CCNY: variants seen among roughly 807,000 people sequenced by gnomAD.
The protein encoded by CCNY is cyclin Y.
A neutral mutation model predicts 42.8 loss-of-function variants in CCNY; 19 were observed. The observed-to-expected ratio is 0.44, with a 90% CI of 0.31 to 0.65. CCNY has a LOEUF of 0.65. Ranked by LOEUF, CCNY falls within the 30% of genes least tolerant of loss-of-function variation. The probability of loss-of-function intolerance (pLI) is 0.07; values close to 1 mark genes in which losing one functional copy is unlikely to be tolerated. For missense variants in CCNY, 370 were observed against 437.3 expected (o/e 0.85, Z 1.37); for synonymous variants, 165 against 162.7 (o/e 1.01, Z -0.11).
At chr10:35,553,404 C>T (rs1841300654) in intron 8 of CCNY, among the ~76,000 whole-genome samples, 1 of 152,074 alleles carries the variant, frequency 6.6e-6, no homozygotes, top group Non-Finnish European at 1.5e-5. Flanking sequence ...GGTAACACCT[C>T]CTGGTTTTGT....
intron 3 of CCNY, among the ~76,000 whole-genome samples, chr10:35,284,925 C>T (rs1209104580): frequency 6.6e-6 from 1 of 152,026 alleles, no homozygotes; most frequent in African/African-American, 2.4e-5. Flanking sequence ...GGGGATTTTT[C>T]TTTCTCTTAT....
At chr10:35,277,313 C>T (rs183415220) in intron 3 of CCNY, among the ~76,000 whole-genome samples, 4 of 152,172 alleles carry the variant, frequency 2.6e-5, no homozygotes, top group African/African-American at 7.2e-5. Context: ...GAAGAAACAG[C>T]CCACTTTTGC....
intron 7 of CCNY, among the ~76,000 whole-genome samples, chr10:35,551,469 ACATTAATGGGTT>A (rs952424090): frequency 1.8e-4 from 27 of 152,316 alleles, no homozygotes; most frequent in African/African-American, 6.5e-4. Context: ...AATAATTATA[ACATTAATGGGTT>A]TTATCTGCAA....
chr10:35,498,463 C>G (rs1337353010), intron 2 of CCNY, among the ~76,000 whole-genome samples: 3 of 152,156 alleles, frequency 2.0e-5, no homozygotes, highest in Non-Finnish European at 4.4e-5. Context: ...TTCACTCTTT[C>G]CTGCACAGCG....
rs1249226514 is a variant in CCNY, at chr10:35,569,239, G to T, written c.*69G>T. On this transcript the variant is annotated 3_prime_UTR_variant, in exon 10 of 10. Transcript: ENST00000374704. ...TTTAGTTTGAGAAAAGACAGACTTG[G>T]GGTGGGTTTGTTTTTGTTTTTTCTT... 15 of 993,742 alleles carry T rather than the reference G, an allele frequency of 1.5e-5. No individual in the cohort carries two copies. The highest frequency in any genetic ancestry group is 2.4e-5 in the Non-Finnish European group (15 of 631,734). 61.6% of individuals were successfully genotyped at this position (993,742 alleles called of 1,614,324 possible). A position where few individuals can be genotyped will look rare whatever the true frequency, so the allele number is the denominator to read the frequency against.
intron 1 of CCNY, among the ~76,000 whole-genome samples, chr10:35,448,895 G>C (rs558179776): frequency 2.7e-4 from 41 of 152,228 alleles, no homozygotes; most frequent in African/African-American, 8.7e-4. Context: ...AGTATCCCCA[G>C]GGGGTGCAGT....
At chr10:35,479,579 G>A (rs1360922407) in intron 1 of CCNY, among the ~76,000 whole-genome samples, 1 of 136,042 alleles carries the variant, frequency 7.4e-6, no homozygotes, top group East Asian at 2.1e-4. Flanking sequence ...ACACAGGAAG[G>A]GGAACATCAC....
At chr10:35,360,744 C>T (rs1490079603) in intron 1 of CCNY, among the ~76,000 whole-genome samples, 2 of 151,954 alleles carry the variant, frequency 1.3e-5, no homozygotes, top group Non-Finnish European at 2.9e-5. Flanking sequence ...CATTAATACT[C>T]ATCTGTATAT....
chr10:35,405,434 C>T (rs1837736701), intron 1 of CCNY, among the ~76,000 whole-genome samples: 1 of 152,102 alleles, frequency 6.6e-6, no homozygotes, highest in Non-Finnish European at 1.5e-5. Context: ...TGAGGTACAG[C>T]TGTAGCCCAG....
intron 1 of CCNY, among the ~76,000 whole-genome samples, chr10:35,465,598 C>T (rs1432102530): frequency 5.0e-4 from 76 of 152,294 alleles, no homozygotes; most frequent in African/African-American, 1.8e-3. Flanking sequence ...ATCCACCTTG[C>T]ATGCTTTCCT....
intron 1 of CCNY, among the ~76,000 whole-genome samples, chr10:35,465,930 AGAGAGAGAGT>A (rs937918985): frequency 5.0e-5 from 7 of 141,354 alleles, no homozygotes; most frequent in African/African-American, 1.9e-4. Context: ...AGAGAGAGAG[AGAGAGAGAGT>A]GTGTGTGTGT....
At chr10:35,379,932 T>A (rs1837141601) in intron 1 of CCNY, among the ~76,000 whole-genome samples, 1 of 152,176 alleles carries the variant, frequency 6.6e-6, no homozygotes, top group African/African-American at 2.4e-5. Context: ...TCTCCAGGAA[T>A]TTTAGTACTC....
At chr10:35,567,787 A>G (rs1841601721) in intron 9 of CCNY, among the ~76,000 whole-genome samples, 1 of 152,262 alleles carries the variant, frequency 6.6e-6, no homozygotes, top group Non-Finnish European at 1.5e-5. Context: ...CTGGTTAGAA[A>G]TAAAAATCCA....
intron 3 of CCNY, among the ~76,000 whole-genome samples, chr10:35,263,948 C>T (rs532016226): frequency 6.6e-6 from 1 of 152,282 alleles, no homozygotes; most frequent in South Asian, 2.1e-4. Flanking sequence ...TTTTCTGATG[C>T]TACGTTAGTT....
intron 3 of CCNY, among the ~76,000 whole-genome samples, chr10:35,276,196 G>A (rs1365189189): frequency 6.6e-6 from 1 of 152,132 alleles, no homozygotes; most frequent in Non-Finnish European, 1.5e-5. Context: ...TGACTTTTAA[G>A]AATTATGTCC....
chr10:35,432,105 C>A (rs548834585), intron 1 of CCNY, among the ~76,000 whole-genome samples: 2 of 152,026 alleles, frequency 1.3e-5, no homozygotes, highest in African/African-American at 2.4e-5. Context: ...ATTCATGTGG[C>A]GTATTTTTAT....
chr10:35,472,342 T>C (rs1362672329), intron 1 of CCNY, among the ~76,000 whole-genome samples: 1 of 152,264 alleles, frequency 6.6e-6, no homozygotes, highest in African/African-American at 2.4e-5. Context: ...TTTTCTACTG[T>C]TTGAGCATCT....
intron 1 of CCNY, among the ~76,000 whole-genome samples, chr10:35,419,759 T>C (rs1838117781): frequency 6.6e-6 from 1 of 152,038 alleles, no homozygotes; most frequent in Non-Finnish European, 1.5e-5. Flanking sequence ...TACGTAAATA[T>C]ATGTGTGCAT....
At chr10:35,345,656 A>C (rs1383768913) in intron 1 of CCNY, among the ~76,000 whole-genome samples, 1 of 152,182 alleles carries the variant, frequency 6.6e-6, no homozygotes, top group Non-Finnish European at 1.5e-5. Flanking sequence ...TTATGTTTGG[A>C]CTGTCCATAG....
Sources: gnomAD v4.1 joint callset for allele counts (sites outside exome capture counted in the v4.1 genomes callset) on GRCh38, gnomAD v4.1.1 for gene constraint, MANE v1.5 for transcripts, NCBI Gene and HGNC (gene_info 2026-07-23, HGNC 2026-07-21) for gene names.